The following SCN8A variants were observed in gnomAD, a reference collection of about 807,000 sequenced individuals.
The protein encoded by SCN8A is sodium channel protein type 8 subunit alpha.
In SCN8A, 30 loss-of-function variants were observed where a neutral mutation model predicts 184.1. The ratio of observed to expected loss-of-function variants is 0.16; its 90% CI spans 0.12 to 0.22. SCN8A has a LOEUF of 0.22. Ranked by LOEUF, SCN8A falls within the 10% of genes least tolerant of loss-of-function variation. The pLI, the probability that SCN8A is intolerant of heterozygous loss-of-function variation, is 1.00. For missense variants in SCN8A, 1,057 were observed against 2,498.9 expected, an observed-to-expected ratio of 0.42 and a Z score of 12.30; for synonymous variants, 852 against 907.0, an observed-to-expected ratio of 0.94 and a Z score of 1.09.
Position 51,721,106 on chromosome 12 carries a change from T to TAA in SCN8A, c.1636-439_1636-438dup, listed in dbSNP as rs1555221405. 1.9e-5 allele frequency among the ~76,000 whole-genome samples: 2 copies of TAA among 106,108 alleles called. 1 individual carries two copies. The highest frequency in any genetic ancestry group is 7.7e-5 in the African/African-American group (2 of 25,828). The allele number at this position is 106,108 out of a possible 152,430, so 69.6% of individuals were successfully genotyped here. On this transcript the variant is annotated intron_variant, in intron 11 of 26. Transcript: ENST00000627620. ...TTATATATATATATATATATATATA[T>TAA]AATATTTATTTATTGTTATATATAT...
At chr12:51,637,331 C>G (rs1327938724) in intron 1 of SCN8A, among the ~76,000 whole-genome samples, 1 of 152,178 alleles carries the variant, frequency 6.6e-6, no homozygotes, top group Non-Finnish European at 1.5e-5. Context: ...CATCTGTCAC[C>G]TTAAAGGCTA....
chr12:51,751,266 TA>T, intron 13 of SCN8A, 88 bp from the exon 14 acceptor site: 1 of 841,654 alleles, frequency 1.2e-6, no homozygotes, highest in Non-Finnish European at 1.9e-6. Flanking sequence ...TCCATATTAA[TA>T]ACAGTGATAA....
intron 1 of SCN8A, among the ~76,000 whole-genome samples, chr12:51,639,877 T>C (rs1489503120): frequency 8.4e-6 from 1 of 118,684 alleles, no homozygotes; most frequent in African/African-American, 3.3e-5. Context: ...TTAAGGTATA[T>C]GCTTTTTTTT....
chr12:51,743,054 G>T (rs1343533948), intron 12 of SCN8A, among the ~76,000 whole-genome samples: 1 of 152,080 alleles, frequency 6.6e-6, no homozygotes, highest in Non-Finnish European at 1.5e-5. Flanking sequence ...CTGCTTGATT[G>T]TTTATAATTA....
intron 11 of SCN8A, chr12:51,712,690 A>G (rs1941899304): frequency 3.4e-6 from 3 of 876,566 alleles, no homozygotes; most frequent in Non-Finnish European, 5.8e-6. Flanking sequence ...CACCACCGCT[A>G]CCATATCCAC....
At chr12:51,610,373 T>C (rs1413792608) in intron 1 of SCN8A, among the ~76,000 whole-genome samples, 1 of 152,132 alleles carries the variant, frequency 6.6e-6, no homozygotes, top group African/African-American at 2.4e-5. Flanking sequence ...TTATATTCAA[T>C]GTTAGTATTG....
chr12:51,770,500 G>A (rs748522963), intron 18 of SCN8A, 29 bp from the exon 19 acceptor site: 35 of 1,546,932 alleles, frequency 2.3e-5, no homozygotes, highest in Admixed American at 5.8e-5. Context: ...CGTTTCCACG[G>A]TCTGACCCGC....
rs76302015 is a variant in SCN8A, at chr12:51,745,158, C to G, written c.1999-745C>G. 2.7e-4 allele frequency among the ~76,000 whole-genome samples: 41 copies of G among 152,236 alleles called. 1 individual carries two copies. In the East Asian group the frequency reaches 7.9e-3, roughly 29 times the overall value. ...ATACCAGTTATTGTCCAGGGTGGAG[C>G]ATGTAATCATATTTTTTATAACAAT... is the stretch of plus-strand genomic sequence containing the variant. On this transcript the variant is annotated intron_variant, in intron 12 of 26. Coordinates refer to ENST00000627620, the MANE Select transcript of SCN8A (RefSeq NM_001330260.2).
intron 1 of SCN8A, among the ~76,000 whole-genome samples, chr12:51,654,102 C>G (rs978584585): frequency 4.6e-5 from 7 of 152,132 alleles, no homozygotes; most frequent in Non-Finnish European, 8.8e-5. Flanking sequence ...AATTCTATCA[C>G]AGATACAATT....
intron 12 of SCN8A, among the ~76,000 whole-genome samples, chr12:51,742,933 A>C (rs765386967): frequency 6.6e-6 from 1 of 152,044 alleles, no homozygotes; most frequent in African/African-American, 2.4e-5. Context: ...AGTATTTTCA[A>C]ATAGCCTGTC....
At chr12:51,774,827 G>C (rs1418921329) in intron 20 of SCN8A, among the ~76,000 whole-genome samples, 1 of 152,142 alleles carries the variant, frequency 6.6e-6, no homozygotes, top group Non-Finnish European at 1.5e-5. Context: ...TCCAACTCAA[G>C]TCTTGATACC....
At chr12:51,603,847 T>C (rs1308821499) in intron 1 of SCN8A, among the ~76,000 whole-genome samples, 1 of 152,182 alleles carries the variant, frequency 6.6e-6, no homozygotes, top group African/African-American at 2.4e-5. Context: ...GTGCTCTCTG[T>C]GTATCTTTGT....
intron 9 of SCN8A, among the ~76,000 whole-genome samples, chr12:51,703,377 C>G (rs1297042889): frequency 2.0e-5 from 3 of 152,316 alleles, no homozygotes; most frequent in Admixed American, 6.5e-5. Flanking sequence ...CTTCTGGCCT[C>G]AAGTGATCCT....
At chr12:51,687,555 A>G (rs972162297) in intron 5 of SCN8A, among the ~76,000 whole-genome samples, 2 of 152,186 alleles carry the variant, frequency 1.3e-5, no homozygotes, top group Admixed American at 6.5e-5. Flanking sequence ...GGCCTCTGTG[A>G]AGACTTGAAA....
chr12:51,711,603 C>T (rs1941877363), intron 11 of SCN8A, among the ~76,000 whole-genome samples: 1 of 152,184 alleles, frequency 6.6e-6, no homozygotes, highest in African/African-American at 2.4e-5. Context: ...TATTCCTGCA[C>T]ACGTACATGA....
intron 9 of SCN8A, among the ~76,000 whole-genome samples, chr12:51,703,928 C>T (rs1026510110): frequency 6.6e-6 from 1 of 151,070 alleles, no homozygotes; most frequent in East Asian, 2.0e-4. Context: ...TTTTTTGAGA[C>T]AGAGTCTCGC....
At chr12:51,787,149 C>CA (rs533379278) in intron 22 of SCN8A, among the ~76,000 whole-genome samples, 18 of 151,338 alleles carry the variant, frequency 1.2e-4, no homozygotes, top group South Asian at 2.1e-4. Context: ...CAGTTAAGGG[C>CA]AAAAAAAATC....
intron 1 of SCN8A, among the ~76,000 whole-genome samples, chr12:51,638,373 G>C (rs540478281): frequency 6.6e-6 from 1 of 152,114 alleles, no homozygotes; most frequent in South Asian, 2.1e-4. Context: ...TCTGGGAAAA[G>C]TAAACTGAAC....
At chr12:51,654,622 G>C (rs940428689) in intron 1 of SCN8A, among the ~76,000 whole-genome samples, 1 of 152,008 alleles carries the variant, frequency 6.6e-6, no homozygotes, top group Non-Finnish European at 1.5e-5. Context: ...ATCAGGAAAT[G>C]TGAGTCCTCC....
Sources: allele counts gnomAD v4.1 joint callset (sites outside exome capture counted in the v4.1 genomes callset), GRCh38; gene constraint gnomAD v4.1.1; transcripts MANE v1.5; gene names NCBI Gene and HGNC (gene_info 2026-07-23, HGNC 2026-07-21).